Variants in SNTG2 observed in about 807,000 individuals in gnomAD.
SNTG2 encodes the protein syntrophin gamma 2.
In SNTG2, 74 loss-of-function variants were observed where a neutral mutation model predicts 70.9. That is an observed-to-expected ratio of 1.04 (90% CI 0.86 to 1.27). The LOEUF is 1.27. SNTG2 is among the 50% of genes most tolerant of loss of function. The probability of loss-of-function intolerance (pLI) is 0.00; values close to 1 mark genes in which losing one functional copy is unlikely to be tolerated. For missense variants in SNTG2, 717 were observed against 690.7 expected (o/e 1.04, Z -0.43); for synonymous variants, 278 against 273.8 (o/e 1.02, Z -0.15).
At chr2:1,243,639 G>A (rs112162185) in intron 11 of SNTG2, among the ~76,000 whole-genome samples, 127 of 152,300 alleles carry the variant, frequency 8.3e-4, no homozygotes, top group African/African-American at 2.9e-3. Context: ...TGTTACGGCC[G>A]TTAGATTAAG....
rs61002101 is a variant in SNTG2 at position 991,372 on chromosome 2, T to TACACACACACACACACAC, written c.72+40322_72+40339dup. On this transcript the variant is annotated intron_variant, in intron 1 of 16. Transcript: ENST00000308624. Reference sequence around the variant, plus strand: ...AGGGAGCTTATAAGTTCTGTAATATTACACACACACACACACACACACACA... The same window carrying TACACACACACACACACAC: ...AGGGAGCTTATAAGTTCTGTAATATTACACACACACACACACACACACACACACACACACACACACACA... Among the ~76,000 whole-genome samples, 405 of 140,334 alleles carry TACACACACACACACACAC rather than the reference T, an allele frequency of 2.9e-3. 2 individuals are homozygous for TACACACACACACACACAC. The highest frequency in any genetic ancestry group is 9.2e-3 in the African/African-American group (348 of 37,896). 92.1% of individuals were successfully genotyped at this position (140,334 alleles called of 152,430 possible).
intron 9 of SNTG2, among the ~76,000 whole-genome samples, chr2:1,233,586 C>G (rs28617388): frequency 0.31 from 46,584 of 152,050 alleles, 8,275 homozygotes; most frequent in African/African-American, 0.5. Flanking sequence ...GCAGGAAGAA[C>G]GGCTTAAACA....
At chr2:1,145,411 C>T (rs28863566) in intron 6 of SNTG2, among the ~76,000 whole-genome samples, 55,822 of 151,820 alleles carry the variant, frequency 0.37, 11,076 homozygotes, top group East Asian at 0.83. Context: ...TACTATAGAT[C>T]CTATGGACAT....
Position 1,273,595 on chromosome 2 carries a change from A to T in SNTG2, c.1284+6024A>T, listed in dbSNP as rs376374800. Reference sequence around the variant, plus strand: ...TATGCTGGGATAATTGGATGCCTATATACGAAAAAAAGAACTTTGACTCAT... The same window carrying T: ...TATGCTGGGATAATTGGATGCCTATTTACGAAAAAAAGAACTTTGACTCAT... On this transcript the variant is annotated intron_variant, in intron 14 of 16. Coordinates refer to ENST00000308624, the MANE Select transcript of SNTG2 (RefSeq NM_018968.4). Among the ~76,000 whole-genome samples the T allele has an allele frequency of 1.1e-4, 16 of 151,400 alleles. No homozygotes were observed. The South Asian group carries it at 3.1e-3, about 29-fold the overall frequency.
rs1661532530 is a variant in SNTG2 at position 992,483 on chromosome 2, T to G, written c.72+41415T>G. Among the ~76,000 whole-genome samples the G allele has an allele frequency of 2.6e-5, 4 of 152,136 alleles. No homozygotes were observed. The South Asian group carries it at 8.3e-4, about 32-fold the overall frequency. On this transcript the variant is annotated intron_variant, in intron 1 of 16. Coordinates refer to ENST00000308624, the MANE Select transcript of SNTG2 (RefSeq NM_018968.4). The stretch of plus-strand genomic sequence containing the variant: ...AAGAATTTCAAAAATAAATGAAATA[T>G]TTAATAAAAGACTTCAAGAATCTTT...
intron 9 of SNTG2, among the ~76,000 whole-genome samples, chr2:1,230,526 C>T (rs931381040): frequency 8.5e-5 from 13 of 152,140 alleles, no homozygotes; most frequent in African/African-American, 2.9e-4. Flanking sequence ...CCTGGGTGGT[C>T]GAGGCCAATT....
intron 9 of SNTG2, among the ~76,000 whole-genome samples, chr2:1,218,193 A>G (rs1674523364): frequency 6.6e-6 from 1 of 151,868 alleles, no homozygotes; most frequent in African/African-American, 2.4e-5. Context: ...CTTCACTCTG[A>G]CCTCTAGACC....
Position 1,283,750 on chromosome 2 carries a change from G to T in SNTG2, c.1284+16179G>T, listed in dbSNP as rs114483067. 9.7e-3 allele frequency among the ~76,000 whole-genome samples: 1,480 copies of T among 152,268 alleles called. 13 individuals carry two copies. Among genetic ancestry groups the T allele is most frequent in the Non-Finnish European group, 0.014 (971 of 68,024 alleles). ...GACCATCACACAGTAGGTATGCCCG[G>T]TCATTCGTATCCTGCTCCTGCAGAA... On this transcript the variant is annotated intron_variant, in intron 14 of 16. Transcript: ENST00000308624.
At chr2:1,015,726 C>T (rs924146907) in intron 1 of SNTG2, among the ~76,000 whole-genome samples, 2 of 152,190 alleles carry the variant, frequency 1.3e-5, no homozygotes, top group African/African-American at 4.8e-5. Flanking sequence ...AACTCACATG[C>T]AGGTTTGTAA....
chr2:1,209,157 T>C lies in SNTG2; in HGVS notation c.646T>C (p.Trp216Arg). 6.2e-7 allele frequency: 1 copy of C among 1,614,002 alleles called. No individual in the cohort carries two copies. Among genetic ancestry groups the C allele is most frequent in the Non-Finnish European group, 8.5e-7 (1 of 1,179,898 alleles). Reference sequence around the variant, plus strand: ...TAAGGACCCGAGGTATGAGAAGCGCTGGCTGGACACCTTGTCCGTGCCTCT... The same window carrying C: ...TAAGGACCCGAGGTATGAGAAGCGCCGGCTGGACACCTTGTCCGTGCCTCT... ...IAKDPRYEKR[W>R]LDTLSVPLSM... is the part of the protein sequence containing the mutation. The change falls in exon 9 of 17, where the codon TGG becomes CGG. Residue 216 changes from tryptophan (W) to arginine (R), a missense_variant. By Grantham distance (101) the Trp-to-Arg change is moderately radical (BLOSUM62 -3). Transcript: ENST00000308624.
At chr2:1,132,262 CAT>C (rs1558437402) in intron 4 of SNTG2, among the ~76,000 whole-genome samples, 1 of 151,252 alleles carries the variant, frequency 6.6e-6, no homozygotes, top group Non-Finnish European at 1.5e-5. Context: ...CACACACACA[CAT>C]ACATACACAC....
At position 1,353,416 on chromosome 2, in the gene SNTG2, C is replaced by A. The variant is rs1400237852; in HGVS notation, c.1489-13927C>A. ...GTGTGGCTGTTCCTCGTGATTGTTG[C>A]ATTTCATCCTATACTTCTTGGGCTT... is the stretch of plus-strand genomic sequence containing the variant. On this transcript the variant is annotated intron_variant, in intron 16 of 16. Transcript: ENST00000308624. This position sits in a 1 kb window ranked among gnomAD's most constrained non-coding sequence, Gnocchi z 4.2. Among the ~76,000 whole-genome samples, 2 of 152,182 alleles carry A rather than the reference C, an allele frequency of 1.3e-5. No individual in the cohort carries two copies. Among genetic ancestry groups the A allele is most frequent in the Non-Finnish European group, 2.9e-5 (2 of 68,046 alleles).
chr2:999,112 AAG>A (rs1458515432), intron 1 of SNTG2, among the ~76,000 whole-genome samples: 2 of 152,142 alleles, frequency 1.3e-5, no homozygotes, highest in African/African-American at 4.8e-5. Context: ...AATTTTCACC[AAG>A]AGACTGGCCC....
intron 1 of SNTG2, among the ~76,000 whole-genome samples, chr2:1,043,022 G>GTT (rs1661527446): frequency 2.6e-5 from 4 of 152,086 alleles, no homozygotes; most frequent in Non-Finnish European, 5.9e-5. Context: ...CTACAACTTT[G>GTT]CTAGCATCTG....
chr2:1,187,798 T>G (rs1236686399), intron 8 of SNTG2, among the ~76,000 whole-genome samples: 1 of 152,210 alleles, frequency 6.6e-6, no homozygotes, highest in Non-Finnish European at 1.5e-5. Context: ...AATAGTGCAG[T>G]ATTATTTTCA....
intron 1 of SNTG2, among the ~76,000 whole-genome samples, chr2:1,018,136 CT>C (rs1427866805): frequency 6.6e-6 from 1 of 152,178 alleles, no homozygotes; most frequent in Non-Finnish European, 1.5e-5. Context: ...TTGACTCCCA[CT>C]TTTTACTGGT....
At chr2:1,048,748 C>G (rs1277589911) in intron 1 of SNTG2, among the ~76,000 whole-genome samples, 3 of 152,190 alleles carry the variant, frequency 2.0e-5, no homozygotes, top group African/African-American at 4.8e-5. Context: ...AACTGACAAG[C>G]AGTTTTCCAA....
intron 8 of SNTG2, among the ~76,000 whole-genome samples, chr2:1,181,617 T>C (rs1253446092): frequency 2.0e-5 from 3 of 152,212 alleles, no homozygotes; most frequent in Non-Finnish European, 4.4e-5. Context: ...TGTAATGTTT[T>C]CTCTCTGTCC....
intron 9 of SNTG2, among the ~76,000 whole-genome samples, chr2:1,219,182 A>C (rs1674590250): frequency 6.6e-6 from 1 of 151,520 alleles, no homozygotes; most frequent in South Asian, 2.1e-4. Flanking sequence ...TTTCCTTCCA[A>C]CTCCTGCTAT....
Sources: gnomAD v4.1 joint callset for allele counts (sites outside exome capture counted in the v4.1 genomes callset) on GRCh38, gnomAD v4.1.1 for gene constraint, Gnocchi (gnomAD v3.1) non-coding constraint, MANE v1.5 for transcripts, NCBI Gene and HGNC (gene_info 2026-07-23, HGNC 2026-07-21) for gene names.